LIPA: variants seen among roughly 807,000 people sequenced by gnomAD.
LIPA encodes the protein lysosomal acid lipase/cholesteryl ester hydrolase.
LIPA carries 26 observed loss-of-function variants against 40.6 expected under a neutral mutation model. That is an observed-to-expected ratio of 0.64 (90% CI 0.47 to 0.89). The LOEUF (loss-of-function observed/expected upper bound fraction) is 0.89, where lower values mean the gene tolerates loss of function less well. Ranked by LOEUF, LIPA falls within the 40% of genes least tolerant of loss-of-function variation. LIPA has a pLI of 0.00. For synonymous variants in LIPA, 188 were observed against 168.4 expected (o/e 1.12, Z -0.90); for missense variants, 455 against 479.6 (o/e 0.95, Z 0.48).
intron 2 of LIPA, among the ~76,000 whole-genome samples, chr10:89,396,430 G>T (rs930592674): frequency 6.6e-6 from 1 of 152,152 alleles, no homozygotes; most frequent in Non-Finnish European, 1.5e-5. Flanking sequence ...AAACACACTG[G>T]AGAAGGTCAA....
At chr10:89,414,294 C>T (rs1841506482) in intron 1 of LIPA, 1 of 153,732 alleles carries the variant, frequency 6.5e-6, no homozygotes, top group Non-Finnish European at 1.4e-5. Flanking sequence ...CCTTGGGAGG[C>T]AGAGGCGGGC....
At position 89,245,865 on chromosome 10, in the gene LIPA, G is replaced by A. The variant is rs911828581; in HGVS notation, c.112-72C>T. 6.9e-5 allele frequency: 57 copies of A among 828,676 alleles called. No individual in the cohort carries two copies. The South Asian group carries it at 7.6e-4, about 11-fold the overall frequency. 51.3% of individuals were successfully genotyped at this position (828,676 alleles called of 1,614,324 possible). On this transcript the variant is annotated intron_variant, in intron 2 of 9. Coordinates refer to ENST00000336233, the MANE Select transcript of LIPA (RefSeq NM_000235.4). ...CAGTCTCCCACATTAACAAGCAAAG[G>A]AGCAGATAAACTATGTTCTCCAGGC...
intron 1 of LIPA, chr10:89,278,025 A>G (rs1171605823): frequency 1.3e-5 from 2 of 152,036 alleles, no homozygotes; most frequent in Admixed American, 6.5e-5. Flanking sequence ...CCCTCATACA[A>G]TCCTGCCTTT....
intron 1 of LIPA, among the ~76,000 whole-genome samples, chr10:89,259,970 A>T (rs1843198730): frequency 6.6e-6 from 1 of 152,200 alleles, no homozygotes; most frequent in African/African-American, 2.4e-5. Context: ...CACTGTAGTG[A>T]TGGTTTCACA....
intron 1 of LIPA, among the ~76,000 whole-genome samples, chr10:89,315,235 A>G (rs1246715466): frequency 6.6e-6 from 1 of 152,248 alleles, no homozygotes; most frequent in African/African-American, 2.4e-5. Flanking sequence ...TATACCATTT[A>G]TGATATCACA....
At chr10:89,311,304 C>T (rs927660082) in intron 1 of LIPA, among the ~76,000 whole-genome samples, 1 of 152,058 alleles carries the variant, frequency 6.6e-6, no homozygotes, top group Non-Finnish European at 1.5e-5. Context: ...GGGTAGATCA[C>T]CTGAGGTCAG....
Position 89,221,489 on chromosome 10 carries a change from T to A in LIPA, c.894+1022A>T, listed in dbSNP as rs182541490. Among the ~76,000 whole-genome samples, 356 of 152,336 alleles carry A rather than the reference T, an allele frequency of 2.3e-3. 5 individuals are homozygous for A. The highest frequency in any genetic ancestry group is 2.4e-3 in the Non-Finnish European group (165 of 68,028). ...CACTATAATTCCAACTCTCATTACT[T>A]TTTTAATGCAATGATTTATTAAATA... On this transcript the variant is annotated intron_variant, in intron 8 of 9. Transcript: ENST00000336233.
intron 1 of LIPA, among the ~76,000 whole-genome samples, chr10:89,333,730 G>A (rs1398260930): frequency 6.6e-6 from 1 of 152,206 alleles, no homozygotes; most frequent in African/African-American, 2.4e-5. Context: ...TTAAGTATGA[G>A]AAACTGGTGA....
intron 1 of LIPA, among the ~76,000 whole-genome samples, chr10:89,282,496 C>T (rs566624553): frequency 6.6e-5 from 10 of 152,030 alleles, no homozygotes; most frequent in South Asian, 6.3e-4. Context: ...AAAAATTAGC[C>T]GGGCATGGTG....
At chr10:89,249,818 A>G (rs1843089394) in intron 1 of LIPA, among the ~76,000 whole-genome samples, 1 of 152,216 alleles carries the variant, frequency 6.6e-6, no homozygotes, top group South Asian at 2.1e-4. Context: ...GAATGTACTG[A>G]TGGTTTCACA....
chr10:89,249,391 T>A (rs950275411), intron 1 of LIPA, among the ~76,000 whole-genome samples: 3 of 152,168 alleles, frequency 2.0e-5, no homozygotes, highest in Non-Finnish European at 4.4e-5. Flanking sequence ...TCTACATTTT[T>A]AAAAAATAAA....
intron 2 of LIPA, among the ~76,000 whole-genome samples, chr10:89,353,849 G>A (rs1031376952): frequency 2.0e-5 from 3 of 152,174 alleles, no homozygotes; most frequent in Admixed American, 6.5e-5. Flanking sequence ...GCTGAGGCAG[G>A]AGAATGTTGT....
At chr10:89,267,468 C>G (rs1156391949) in intron 1 of LIPA, among the ~76,000 whole-genome samples, 2 of 151,496 alleles carry the variant, frequency 1.3e-5, no homozygotes, top group African/African-American at 4.9e-5. Context: ...TCTCAGTAAA[C>G]TATCGCAAGA....
At chr10:89,288,333 C>T (rs960662173) in intron 1 of LIPA, among the ~76,000 whole-genome samples, 13 of 152,084 alleles carry the variant, frequency 8.5e-5, no homozygotes, top group African/African-American at 2.2e-4. Flanking sequence ...CCTAGCTGAC[C>T]CCATAGATCC....
At chr10:89,379,088 G>A (rs1340267848) in intron 2 of LIPA, among the ~76,000 whole-genome samples, 1 of 152,172 alleles carries the variant, frequency 6.6e-6, no homozygotes, top group East Asian at 1.9e-4. Flanking sequence ...AAATTCACGT[G>A]GGAAAAAGAA....
chr10:89,357,516 C>T (rs77104889), intron 2 of LIPA, among the ~76,000 whole-genome samples: 4,617 of 152,304 alleles, frequency 0.03, 124 homozygotes, highest in African/African-American at 0.071. Flanking sequence ...TGCTTTCTTA[C>T]TAAGTTAACA....
chr10:89,308,319 T>C (rs1391758120), intron 1 of LIPA: 1 of 143,514 alleles, frequency 7.0e-6, no homozygotes, highest in Non-Finnish European at 1.5e-5. Flanking sequence ...CTATTAGGAA[T>C]TTTTTTTTTT....
intron 1 of LIPA, chr10:89,338,356 A>T: frequency 3.8e-6 from 1 of 260,944 alleles, no homozygotes. Context: ...AAAAAGACCA[A>T]TGTCCTAGCT....
At chr10:89,229,505 C>A (rs1471993414) in intron 3 of LIPA, among the ~76,000 whole-genome samples, 2 of 152,180 alleles carry the variant, frequency 1.3e-5, no homozygotes, top group Non-Finnish European at 2.9e-5. Context: ...AATCCCAGCA[C>A]TTTGGGAGGC....
Sources: allele counts gnomAD v4.1 joint callset (sites outside exome capture counted in the v4.1 genomes callset), GRCh38; gene constraint gnomAD v4.1.1; transcripts MANE v1.5; gene names NCBI Gene and HGNC (gene_info 2026-07-23, HGNC 2026-07-21).